The following LINGO1 variants were observed in gnomAD, a reference collection of about 807,000 sequenced individuals.
The protein encoded by LINGO1 is leucine rich repeat and Ig domain containing 1.
LINGO1 carries 11 observed loss-of-function variants against 37.3 expected under a neutral mutation model. The observed-to-expected ratio is 0.29, with a 90% CI of 0.19 to 0.49. The LOEUF is 0.49. Among genes scored for constraint, LINGO1 ranks in the 20% least tolerant of loss-of-function variants. The pLI, the probability that LINGO1 is intolerant of heterozygous loss-of-function variation, is 0.99. For synonymous variants in LINGO1, 387 were observed against 403.0 expected (o/e 0.96, Z 0.48); for missense variants, 585 against 878.2 (o/e 0.67, Z 4.22).
At chr15:77,673,443 G>A (rs954784289) in intron 3 of LINGO1, among the ~76,000 whole-genome samples, 1 of 101,780 alleles carries the variant, frequency 9.8e-6, no homozygotes, top group Non-Finnish European at 2.1e-5. Context: ...GGTCACCTGT[G>A]ACCTCGTTAC....
intron 1 of LINGO1, among the ~76,000 whole-genome samples, chr15:77,807,259 T>C (rs1470981661): frequency 1.3e-5 from 2 of 152,340 alleles, no homozygotes; most frequent in East Asian, 3.9e-4. Context: ...GTAGTGATTA[T>C]GTTTGTGTGG....
chr15:77,620,598 C>T (rs2073887131), intron 1 of LINGO1, among the ~76,000 whole-genome samples: 1 of 152,258 alleles, frequency 6.6e-6, no homozygotes, highest in Non-Finnish European at 1.5e-5. Context: ...GTAAGGGCTC[C>T]ACTTCAGTGT....
At chr15:77,671,850 C>T (rs950440188) in intron 3 of LINGO1, among the ~76,000 whole-genome samples, 15 of 152,250 alleles carry the variant, frequency 9.9e-5, no homozygotes, top group African/African-American at 3.6e-4. Context: ...TCACTATCTC[C>T]TCCTACGCCA....
At chr15:77,620,421 C>T (rs1337234049) in intron 1 of LINGO1, among the ~76,000 whole-genome samples, 1 of 152,198 alleles carries the variant, frequency 6.6e-6, no homozygotes, top group Non-Finnish European at 1.5e-5. Flanking sequence ...CTAGGCTCTG[C>T]GCTGCCCCCA....
chr15:77,794,851 A>C (rs934055287), intron 2 of LINGO1, among the ~76,000 whole-genome samples: 1 of 151,900 alleles, frequency 6.6e-6, no homozygotes, highest in African/African-American at 2.4e-5. Context: ...CGGCTTCCCA[A>C]AGCAGAAATA....
chr15:77,742,196 G>A (rs563442029), intron 1 of LINGO1, among the ~76,000 whole-genome samples: 16 of 152,354 alleles, frequency 1.1e-4, no homozygotes, highest in Admixed American at 3.3e-4. Context: ...AGCTGTCGGG[G>A]ACACGTGTGG....
intron 1 of LINGO1, among the ~76,000 whole-genome samples, chr15:77,692,252 T>A (rs1188203813): frequency 6.6e-6 from 1 of 152,234 alleles, no homozygotes; most frequent in African/African-American, 2.4e-5. Context: ...GAACAATGAT[T>A]ACCTCTATGG....
chr15:77,816,829 T>C (rs2141488480), intron 1 of LINGO1, among the ~76,000 whole-genome samples: 1 of 152,022 alleles, frequency 6.6e-6, no homozygotes, highest in South Asian at 2.1e-4. Context: ...GGGCAGGGGT[T>C]CAAGCAGGCA....
chr15:77,638,369 T>C (rs759004485), upstream of LINGO1, among the ~76,000 whole-genome samples: 11 of 152,118 alleles, frequency 7.2e-5, no homozygotes, highest in Non-Finnish European at 1.2e-4. Context: ...GTCAAGGAAG[T>C]GTGCACTCCT....
intron 1 of LINGO1, among the ~76,000 whole-genome samples, chr15:77,694,353 A>G (rs985453020): frequency 2.0e-5 from 3 of 152,294 alleles, no homozygotes; most frequent in African/African-American, 7.2e-5. Flanking sequence ...AAACAGGCCC[A>G]GAGAGGGAGT....
Position 77,613,301 on chromosome 15 carries a change from A to T in LINGO1, c.*743T>A, listed in dbSNP as rs1413837037. The T allele has an allele frequency of 1.3e-5, 2 of 152,362 alleles. No individual in the cohort carries two copies. Among genetic ancestry groups the T allele is most frequent in the African/African-American group, 4.8e-5 (2 of 41,434 alleles). The allele number at this position is 152,362 out of a possible 1,614,324, so 9.4% of individuals were successfully genotyped here. A position where few individuals can be genotyped will look rare whatever the true frequency, so the allele number is the denominator to read the frequency against. ...CCCAGGAGGACCCCAGCCTCTGTCC[A>T]GAGTCTCAGCCACACCCAAGCCAGG... On this transcript the variant is annotated 3_prime_UTR_variant, in exon 2 of 2. Transcript: ENST00000355300.
At position 77,614,637 on chromosome 15, in the gene LINGO1, C is replaced by A. The variant is rs763863737; in HGVS notation, c.1270G>T (p.Ala424Ser). The A allele has an allele frequency of 7.4e-6, 12 of 1,611,588 alleles. No homozygotes were observed. The highest frequency in any genetic ancestry group is 8.5e-6 in the Non-Finnish European group (10 of 1,179,090). The change falls in exon 2 of 2, where the codon GCC becomes TCC. Residue 424 changes from alanine (A) to serine (S), a missense_variant. Physicochemically the swap from Ala to Ser is moderately conservative, Grantham distance 99 (BLOSUM62 1). Transcript: ENST00000355300. Reference protein sequence around the residue: ...LLPNYFTCRRARIRDRKAQQV... With the variant: ...LLPNYFTCRRSRIRDRKAQQV... ...TGGGCCTTGCGGTCCCGGATGCGGGCGCGGCGGCAGGTGAAGTAGTTGGGC... is the reference window on the plus strand; with the variant it reads ...TGGGCCTTGCGGTCCCGGATGCGGGAGCGGCGGCAGGTGAAGTAGTTGGGC...
chr15:77,736,889 C>T (rs73465852), intron 1 of LINGO1, among the ~76,000 whole-genome samples: 4,049 of 152,264 alleles, frequency 0.027, 216 homozygotes, highest in African/African-American at 0.093. Context: ...CATAGTGGAG[C>T]CAAAGTTTGG....
intron 1 of LINGO1, among the ~76,000 whole-genome samples, chr15:77,748,904 CTTCTCT>C (rs1429602730): frequency 8.5e-6 from 1 of 117,738 alleles, no homozygotes; most frequent in East Asian, 2.3e-4. Flanking sequence ...TCCTTCCTTC[CTTCTCT>C]TTTTTTTTTT....
rs1005180905 is a variant in LINGO1, at chr15:77,682,139, G to A, written c.-98-4965C>T. Among the ~76,000 whole-genome samples, 6 of 151,452 alleles carry A rather than the reference G, an allele frequency of 4.0e-5. No homozygotes were observed. In the East Asian group the frequency reaches 1.2e-3, roughly 29 times the overall value. On this transcript the variant is annotated intron_variant, in intron 2 of 3. Transcript: ENST00000559893. ...CCTCGATGCCATTGGCAGAAATTCTGTCTGTGGGTGGTCAGATCTAAGATG... is the reference window on the plus strand; with the variant it reads ...CCTCGATGCCATTGGCAGAAATTCTATCTGTGGGTGGTCAGATCTAAGATG...
At chr15:77,789,722 C>G (rs2076803536), upstream of LINGO1, among the ~76,000 whole-genome samples, 1 of 152,140 alleles carries the variant, frequency 6.6e-6, no homozygotes, top group African/African-American at 2.4e-5. Context: ...AGGCCTGAAA[C>G]AGATCATCCT....
At chr15:77,761,969 C>A (rs1719957335) in intron 1 of LINGO1, among the ~76,000 whole-genome samples, 3 of 152,188 alleles carry the variant, frequency 2.0e-5, no homozygotes, top group Admixed American at 1.3e-4. Context: ...CCACGCCAGG[C>A]CCTGACCCTT....
At chr15:77,643,224 T>C (rs1173411018) in intron 3 of LINGO1, among the ~76,000 whole-genome samples, 1 of 152,166 alleles carries the variant, frequency 6.6e-6, no homozygotes, top group East Asian at 1.9e-4. Flanking sequence ...GGGATGGAGA[T>C]GTCTTTCAGG....
At chr15:77,755,240 T>C (rs2076408349) in intron 1 of LINGO1, among the ~76,000 whole-genome samples, 1 of 152,078 alleles carries the variant, frequency 6.6e-6, no homozygotes, top group African/African-American at 2.4e-5. Flanking sequence ...GGAAGGGAGG[T>C]GACCCCAGGG....
Sources: gnomAD v4.1 joint callset for allele counts (sites outside exome capture counted in the v4.1 genomes callset) on GRCh38, gnomAD v4.1.1 for gene constraint, MANE v1.5 for transcripts, NCBI Gene and HGNC (gene_info 2026-07-23, HGNC 2026-07-21) for gene names.